Variants in CPED1 observed in about 807,000 individuals in gnomAD.
CPED1 encodes cadherin like and PC-esterase domain containing 1.
CPED1 carries 114 observed loss-of-function variants against 128.2 expected under a neutral mutation model. The observed-to-expected ratio is 0.89, with a 90% CI of 0.76 to 1.04. CPED1 has a LOEUF of 1.04. Among genes scored for constraint, CPED1 ranks in the 50% least tolerant of loss-of-function variants. The probability of loss-of-function intolerance (pLI) is 0.00; values close to 1 mark genes in which losing one functional copy is unlikely to be tolerated. For missense variants in CPED1, 1,211 were observed against 1,207.1 expected (o/e 1.00, Z -0.05); for synonymous variants, 462 against 426.7 (o/e 1.08, Z -1.02).
intron 2 of CPED1, among the ~76,000 whole-genome samples, chr7:120,999,370 T>C (rs1161083587): frequency 6.6e-6 from 1 of 152,162 alleles, no homozygotes; most frequent in African/African-American, 2.4e-5. Flanking sequence ...ATTGAAGTCC[T>C]TAGCCTATAA....
At chr7:121,275,837 C>T (rs1240104183) in intron 22 of CPED1, among the ~76,000 whole-genome samples, 2 of 151,252 alleles carry the variant, frequency 1.3e-5, no homozygotes, top group East Asian at 3.9e-4. Context: ...ATTATTTGGC[C>T]TAGAAATAAA....
intron 18 of CPED1, among the ~76,000 whole-genome samples, chr7:121,253,252 A>C (rs910174283): frequency 6.9e-6 from 1 of 145,298 alleles, no homozygotes; most frequent in Non-Finnish European, 1.5e-5. Flanking sequence ...CATAGGTGGG[A>C]ATTGAACCAT....
At chr7:121,107,325 T>C (rs933189962) in intron 7 of CPED1, among the ~76,000 whole-genome samples, 2 of 149,922 alleles carry the variant, frequency 1.3e-5, no homozygotes, top group African/African-American at 4.9e-5. Flanking sequence ...GAAAATATAT[T>C]GGAAGGAAAA....
chr7:121,145,126 C>T (rs1047953223), intron 16 of CPED1, among the ~76,000 whole-genome samples: 13 of 150,350 alleles, frequency 8.6e-5, no homozygotes, highest in South Asian at 4.3e-4. Flanking sequence ...ATCAACTATA[C>T]ATGTGTATTT....
intron 7 of CPED1, among the ~76,000 whole-genome samples, chr7:121,110,722 G>A (rs1245128917): frequency 6.6e-6 from 1 of 152,148 alleles, no homozygotes; most frequent in Non-Finnish European, 1.5e-5. Context: ...TATGGGCAAA[G>A]GGATGCCTCT....
chr7:121,238,320 C>T (rs1204815188), intron 17 of CPED1, among the ~76,000 whole-genome samples: 2 of 152,078 alleles, frequency 1.3e-5, no homozygotes, highest in African/African-American at 4.8e-5. Context: ...TAATCTGGCC[C>T]ATTTCTATAT....
intron 3 of CPED1, among the ~76,000 whole-genome samples, chr7:121,032,858 A>G (rs1184726339): frequency 6.6e-6 from 1 of 152,142 alleles, no homozygotes; most frequent in African/African-American, 2.4e-5. Context: ...GACACTTCTG[A>G]TATATCCTTG....
intron 2 of CPED1, among the ~76,000 whole-genome samples, chr7:121,000,929 T>C (rs533745010): frequency 6.6e-6 from 1 of 152,262 alleles, no homozygotes; most frequent in South Asian, 2.1e-4. Context: ...AATCATATGT[T>C]TGAAAGCATC....
At chr7:121,244,124 C>T in intron 17 of CPED1, 78 bp from the exon 18 acceptor site, 1 of 1,523,670 alleles carries the variant, frequency 6.6e-7, no homozygotes, top group Non-Finnish European at 9.1e-7. Context: ...AAATGGTGTG[C>T]CATAGCTGAA....
intron 5 of CPED1, among the ~76,000 whole-genome samples, chr7:121,065,604 T>TA (rs1404748240): frequency 1.3e-5 from 2 of 152,128 alleles, no homozygotes; most frequent in South Asian, 2.1e-4. Context: ...CTTAACAGAA[T>TA]AAAATCATAG....
chr7:121,158,065 CCTT>C (rs1323593776), intron 16 of CPED1, among the ~76,000 whole-genome samples: 4 of 152,090 alleles, frequency 2.6e-5, no homozygotes, highest in African/African-American at 9.7e-5. Context: ...TAATAACCCT[CCTT>C]CAGTGATATC....
intron 5 of CPED1, among the ~76,000 whole-genome samples, chr7:121,093,299 C>G (rs1794618675): frequency 6.6e-6 from 1 of 151,868 alleles, no homozygotes; most frequent in South Asian, 2.1e-4. Context: ...TTTTACCTAA[C>G]AAAAGGCAGT....
In CPED1 at chr7:121,266,766, T is replaced by G; in HGVS notation, c.2591T>G (p.Leu864Arg). 1 of 1,613,014 alleles carries G rather than the reference T, an allele frequency of 6.2e-7. No homozygotes were observed. Among genetic ancestry groups the G allele is most frequent in the Non-Finnish European group, 8.5e-7 (1 of 1,179,270 alleles). ...TTGGTTGTTGGTGGTGTTCAGTGGC[T>G]TAATTCCAATCACCTGCAAATTATT... ...TVLVVGGVQW[L>R]NSNHLQIIHK... Residue 864 changes from leucine to arginine, a missense_variant, in exon 20 of 23, where the codon CTT (leucine) becomes CGT (arginine). Transcript: ENST00000310396.
At chr7:121,041,528 C>T (rs1370941528) in intron 3 of CPED1, among the ~76,000 whole-genome samples, 2 of 152,068 alleles carry the variant, frequency 1.3e-5, no homozygotes, top group Non-Finnish European at 2.9e-5. Context: ...GCATTTGATG[C>T]TAATATGAAC....
intron 16 of CPED1, among the ~76,000 whole-genome samples, chr7:121,220,671 T>A (rs1045895255): frequency 2.0e-5 from 3 of 152,166 alleles, no homozygotes; most frequent in African/African-American, 7.2e-5. Flanking sequence ...ATTTTTAAAT[T>A]GTAGTTTTAA....
chr7:121,241,265 G>A lies in CPED1; in HGVS notation c.2174-2937G>A, dbSNP rs1416545653. 7.6e-5 allele frequency among the ~76,000 whole-genome samples: 6 copies of A among 79,214 alleles called. 2 individuals carry two copies. Among genetic ancestry groups the A allele is most frequent in the African/African-American group, 2.5e-4 (5 of 20,066 alleles). The allele number at this position is 79,214 out of a possible 152,430, so 52.0% of individuals were successfully genotyped here. A position where few individuals can be genotyped will look rare whatever the true frequency, so the allele number is the denominator to read the frequency against. On this transcript the variant is annotated intron_variant, in intron 17 of 22. Transcript: ENST00000310396. The stretch of plus-strand genomic sequence containing the variant: ...TGGGAGGCTGAGGCAGGAGAATGGC[G>A]TGAACCCGGGAGGCGGAGCTTGCAG...
chr7:121,047,109 G>A, intron 4 of CPED1, 116 bp downstream of exon 4: 1 of 609,974 alleles, frequency 1.6e-6, no homozygotes, highest in Middle Eastern at 2.7e-4. Context: ...TATCTATGGA[G>A]AATCTTCCAA....
chr7:121,064,283 G>A lies in CPED1; in HGVS notation c.586G>A (p.Gly196Arg). The A allele has an allele frequency of 6.2e-7, 1 of 1,612,748 alleles. No individual in the cohort carries two copies. The highest frequency in any genetic ancestry group is 8.5e-7 in the Non-Finnish European group (1 of 1,178,796). Residue 196 changes from glycine to arginine, a missense_variant, in exon 5 of 23, where the codon GGA becomes AGA. By Grantham distance (125) the Gly-to-Arg change is moderately radical. Coordinates refer to ENST00000310396, the MANE Select transcript of CPED1 (RefSeq NM_024913.5). The stretch of plus-strand genomic sequence containing the variant: ...ACAGCAGCCACTTTGCAGAAAGGAA[G>A]GATTATGTCAAATAGTTAGAAGATT... The part of the protein sequence containing the change: ...EIQQPLCRKE[G>R]LCQIVRRFPE...
chr7:121,006,638 C>T (rs527713357), intron 2 of CPED1, among the ~76,000 whole-genome samples: 4 of 152,132 alleles, frequency 2.6e-5, no homozygotes, highest in South Asian at 4.1e-4. Flanking sequence ...AGGTGAACTA[C>T]GTTCTCTTTA....
Sources: allele counts gnomAD v4.1 joint callset (sites outside exome capture counted in the v4.1 genomes callset), GRCh38; gene constraint gnomAD v4.1.1; transcripts MANE v1.5; gene names NCBI Gene and HGNC (gene_info 2026-07-23, HGNC 2026-07-21).